Variants in CDH18 observed in about 807,000 individuals in gnomAD.
CDH18 encodes cadherin-18.
A neutral mutation model predicts 67.9 loss-of-function variants in CDH18; 31 were observed. That is an observed-to-expected ratio of 0.46 (90% CI 0.34 to 0.62). The LOEUF (loss-of-function observed/expected upper bound fraction) is 0.62, where lower values mean the gene tolerates loss of function less well. CDH18 is among the 20% of genes least tolerant of loss of function. The pLI, the probability that CDH18 is intolerant of heterozygous loss-of-function variation, is 0.01. For missense variants in CDH18, 890 were observed against 975.5 expected (o/e 0.91, Z 1.17); for synonymous variants, 362 against 347.2 (o/e 1.04, Z -0.48).
intron 5 of CDH18, among the ~76,000 whole-genome samples, chr5:19,657,088 G>C (rs1003073070): frequency 7.2e-5 from 11 of 152,188 alleles, no homozygotes; most frequent in Admixed American, 2.0e-4. Context: ...GGTTAGGACA[G>C]TGCTAATCAT....
chr5:20,343,833 G>A (rs1740475337), intron 1 of CDH18, among the ~76,000 whole-genome samples: 1 of 152,036 alleles, frequency 6.6e-6, no homozygotes, highest in Non-Finnish European at 1.5e-5. Context: ...TCAGGAAATT[G>A]ACAAACGAGT....
At chr5:19,873,129 C>A (rs888792349) in intron 2 of CDH18, among the ~76,000 whole-genome samples, 1 of 151,282 alleles carries the variant, frequency 6.6e-6, no homozygotes, top group Non-Finnish European at 1.5e-5. Context: ...TACCATGGTA[C>A]CTTGTGGGAA....
At chr5:20,366,444 T>A (rs1742524887) in intron 1 of CDH18, among the ~76,000 whole-genome samples, 1 of 152,184 alleles carries the variant, frequency 6.6e-6, no homozygotes, top group Non-Finnish European at 1.5e-5. Context: ...AACCAATTTC[T>A]CCATAGTCAC....
At chr5:20,293,029 G>A (rs993024222) in intron 1 of CDH18, among the ~76,000 whole-genome samples, 10 of 152,098 alleles carry the variant, frequency 6.6e-5, no homozygotes, top group African/African-American at 2.4e-4. Flanking sequence ...AAACTGTTCA[G>A]AGTGAGGCCA....
At chr5:20,523,014 AC>A (rs961792157) in intron 1 of CDH18, among the ~76,000 whole-genome samples, 1 of 152,260 alleles carries the variant, frequency 6.6e-6, no homozygotes, top group African/African-American at 2.4e-5. Context: ...TAGACATGAA[AC>A]CACAAGATGT....
At chr5:19,975,060 G>C (rs1798374703) in intron 2 of CDH18, among the ~76,000 whole-genome samples, 1 of 152,176 alleles carries the variant, frequency 6.6e-6, no homozygotes, top group Non-Finnish European at 1.5e-5. Flanking sequence ...ACTACATGTT[G>C]AGGTTCCAGA....
intron 1 of CDH18, among the ~76,000 whole-genome samples, chr5:20,271,479 A>G (rs1477627536): frequency 6.6e-6 from 1 of 152,166 alleles, no homozygotes; most frequent in Non-Finnish European, 1.5e-5. Flanking sequence ...GGATATGCCA[A>G]TTATCCTGAT....
At chr5:20,398,242 A>C (rs1321683992) in intron 1 of CDH18, among the ~76,000 whole-genome samples, 5 of 152,202 alleles carry the variant, frequency 3.3e-5, no homozygotes, top group Non-Finnish European at 7.3e-5. Flanking sequence ...AAAATGTTAT[A>C]GTCACTGTGA....
At chr5:19,504,805 G>A (rs567766646) in intron 10 of CDH18, among the ~76,000 whole-genome samples, 2 of 152,096 alleles carry the variant, frequency 1.3e-5, no homozygotes, top group South Asian at 4.1e-4. Flanking sequence ...ATAACATAGT[G>A]ATACATTTGC....
At chr5:19,494,842 CAA>C (rs1288553222) in intron 11 of CDH18, among the ~76,000 whole-genome samples, 1 of 152,120 alleles carries the variant, frequency 6.6e-6, no homozygotes, top group Non-Finnish European at 1.5e-5. Flanking sequence ...ATCCATAGGT[CAA>C]GTTTATTTAG....
chr5:20,514,419 ATG>A (rs1396985810), intron 1 of CDH18, among the ~76,000 whole-genome samples: 2 of 152,074 alleles, frequency 1.3e-5, no homozygotes, highest in Admixed American at 1.3e-4. Context: ...TATCATACCA[ATG>A]TCAAGCTTGG....
intron 1 of CDH18, among the ~76,000 whole-genome samples, chr5:20,333,552 T>A (rs370930059): frequency 2.0e-5 from 2 of 101,586 alleles, no homozygotes; most frequent in African/African-American, 6.5e-5. Flanking sequence ...CACACACACA[T>A]ATATGTATAT....
intron 2 of CDH18, among the ~76,000 whole-genome samples, chr5:20,186,406 G>T (rs1248485316): frequency 2.0e-5 from 3 of 151,848 alleles, no homozygotes; most frequent in Non-Finnish European, 2.9e-5. Context: ...GTAGTATCCA[G>T]AATATATAAG....
Position 19,811,078 on chromosome 5 carries a change from AAAAGAAAGAAAG to A in CDH18, c.228+27669_228+27680del, listed in dbSNP as rs573517217. On this transcript the variant is annotated intron_variant, in intron 3 of 12. Coordinates refer to ENST00000382275, the MANE Select transcript of CDH18 (RefSeq NM_004934.5). ...AAGGAAAAGGGAAGGGAGAAAGAGA[AAAAGAAAGAAAG>A]AAAGAAAGAAAGAAAGAAAGAAAGA... 3.5e-3 allele frequency among the ~76,000 whole-genome samples: 431 copies of A among 124,870 alleles called. 8 individuals carry two copies. The highest frequency in any genetic ancestry group is 0.018 in the East Asian group (68 of 3,758). The allele number at this position is 124,870 out of a possible 152,430, so 81.9% of individuals were successfully genotyped here. A position where few individuals can be genotyped will look rare whatever the true frequency, so the allele number is the denominator to read the frequency against.
chr5:19,704,105 T>C (rs2150494227), intron 5 of CDH18, among the ~76,000 whole-genome samples: 1 of 152,208 alleles, frequency 6.6e-6, no homozygotes, highest in South Asian at 2.1e-4. Flanking sequence ...AACAGGAGGA[T>C]CTGGAGGCAC....
intron 2 of CDH18, among the ~76,000 whole-genome samples, chr5:20,206,431 C>A (rs1193270351): frequency 6.6e-6 from 1 of 151,626 alleles, no homozygotes; most frequent in Non-Finnish European, 1.5e-5. Flanking sequence ...CAATTCTATT[C>A]AAAGTCTTCA....
intron 1 of CDH18, among the ~76,000 whole-genome samples, chr5:20,321,545 C>G (rs1398719943): frequency 6.6e-6 from 1 of 151,890 alleles, no homozygotes; most frequent in Non-Finnish European, 1.5e-5. Flanking sequence ...AAGCTTTATT[C>G]TTGTATAAAA....
intron 2 of CDH18, among the ~76,000 whole-genome samples, chr5:20,244,297 T>C (rs1342722805): frequency 6.6e-6 from 1 of 152,130 alleles, no homozygotes; most frequent in African/African-American, 2.4e-5. Context: ...CACAAAAGCA[T>C]GAGCTACACA....
rs186161816 is a variant in CDH18 at position 19,849,523 on chromosome 5, C to T, written c.-256-10281G>A. Among the ~76,000 whole-genome samples the T allele has an allele frequency of 5.8e-3, 873 of 151,146 alleles. 7 individuals carry two copies. The highest frequency in any genetic ancestry group is 0.024 in the Middle Eastern group (7 of 288). ...ACAATACCCAGATGCCATAAATGTA[C>T]GCTTTGTGTTGAATTTGTTAATATT... On this transcript the variant is annotated intron_variant, in intron 2 of 12. Transcript: ENST00000382275.
Sources: gnomAD v4.1 joint callset for allele counts (sites outside exome capture counted in the v4.1 genomes callset) on GRCh38, gnomAD v4.1.1 for gene constraint, MANE v1.5 for transcripts, NCBI Gene and HGNC (gene_info 2026-07-23, HGNC 2026-07-21) for gene names.